PDILT: variants seen among roughly 807,000 people sequenced by gnomAD.
PDILT encodes protein disulfide isomerase like, testis expressed.
A neutral mutation model predicts 53.7 loss-of-function variants in PDILT; 43 were observed. That is an observed-to-expected ratio of 0.80 (90% confidence interval 0.63 to 1.03). The LOEUF (loss-of-function observed/expected upper bound fraction) is 1.03, where lower values mean the gene tolerates loss of function less well. Among genes scored for constraint, PDILT ranks in the 50% least tolerant of loss-of-function variants. The pLI, the probability that PDILT is intolerant of heterozygous loss-of-function variation, is 0.00. For missense variants in PDILT, 727 were observed against 712.3 expected (o/e 1.02, Z -0.24); for synonymous variants, 282 against 274.2 (o/e 1.03, Z -0.28).
In PDILT at chr16:20,369,715, C is replaced by A. The variant is rs780821612; in HGVS notation, c.919-26G>T. The A allele has an allele frequency of 1.2e-5, 19 of 1,611,484 alleles. No individual in the cohort carries two copies. The Middle Eastern group carries it at 1.3e-3, about 113-fold the overall frequency. ...CTGCCAAAGAAAACAAAACCCTTGT[C>A]TCTCTGGATCCTTTGCCAGTGGAGA... On this transcript the variant is annotated intron_variant, in intron 7 of 11. Coordinates refer to ENST00000302451, the MANE Select transcript of PDILT (RefSeq NM_174924.2).
chr16:20,364,572 C>T (rs79034321), intron 9 of PDILT, among the ~76,000 whole-genome samples: 2,808 of 152,236 alleles, frequency 0.018, 84 homozygotes, highest in African/African-American at 0.065. Context: ...CAAACTCATG[C>T]TTGACTCATT....
intron 2 of PDILT, among the ~76,000 whole-genome samples, chr16:20,391,770 G>A (rs1436208125): frequency 6.6e-6 from 1 of 151,934 alleles, no homozygotes; most frequent in Non-Finnish European, 1.5e-5. Context: ...GAGAGAGAGA[G>A]GTTAAAAAGA....
At chr16:20,401,789 G>A (rs1966744007) in intron 1 of PDILT, among the ~76,000 whole-genome samples, 1 of 152,238 alleles carries the variant, frequency 6.6e-6, no homozygotes, top group South Asian at 2.1e-4. Context: ...CCAGGCGGGA[G>A]GAGCTACAGT....
Position 20,384,729 on chromosome 16 carries a change from G to A in PDILT, c.325C>T (p.Leu109Phe), listed in dbSNP as rs1671057630. ...TTGGTAATCCCAAACTCCTGCTGAA[G>A]CTCCTTCTCTATGGTAATGTCCACT... ...GKVDITIEKE[L>F]QQEFGITKAP... is the part of the protein sequence containing the mutation. The change falls in exon 3 of 12, where the codon CTT (leucine) becomes TTT (phenylalanine). Residue 109 changes from leucine to phenylalanine, a missense_variant. Physicochemically the swap from Leu to Phe is conservative, Grantham distance 22. Coordinates refer to ENST00000302451, the MANE Select transcript of PDILT (RefSeq NM_174924.2). The A allele has an allele frequency of 6.2e-7, 1 of 1,614,082 alleles. No homozygotes were observed. The highest frequency in any genetic ancestry group is 1.7e-5 in the Admixed American group (1 of 60,010).
chr16:20,393,742 CAG>C (rs1966631751), intron 2 of PDILT, among the ~76,000 whole-genome samples: 1 of 152,116 alleles, frequency 6.6e-6, no homozygotes, highest in Non-Finnish European at 1.5e-5. Context: ...GGGGGTAAAG[CAG>C]AGAGTGTGAC....
intron 4 of PDILT, among the ~76,000 whole-genome samples, 171 bp downstream of exon 4, chr16:20,375,897 C>T (rs541711103): frequency 6.6e-6 from 1 of 152,354 alleles, no homozygotes; most frequent in East Asian, 1.9e-4. Context: ...AATCTTCTCT[C>T]TTTTCTTTCC....
intron 3 of PDILT, among the ~76,000 whole-genome samples, chr16:20,380,299 T>G (rs888651815): frequency 1.3e-5 from 2 of 152,156 alleles, no homozygotes; most frequent in African/African-American, 4.8e-5. Flanking sequence ...ACTCTCTGTC[T>G]TATGACCTGT....
chr16:20,370,550 G>A (rs1192721095), intron 7 of PDILT, among the ~76,000 whole-genome samples: 2 of 152,186 alleles, frequency 1.3e-5, no homozygotes. Flanking sequence ...CACCTAGAGA[G>A]CTTAGAGTGT....
At position 20,365,612 on chromosome 16, in the gene PDILT, T is replaced by C. The variant is rs909170850; in HGVS notation, c.1117-72A>G. 2.5e-5 allele frequency: 39 copies of C among 1,546,520 alleles called. No individual in the cohort carries two copies. In the Middle Eastern group the frequency reaches 5.1e-4, roughly 20 times the overall value. ...GAAGTTGTGGGGCTCCCCACCTTGATTGGAAACCACTAAAGGTTTTCTCGT... is the reference window on the plus strand; with the variant it reads ...GAAGTTGTGGGGCTCCCCACCTTGACTGGAAACCACTAAAGGTTTTCTCGT... On this transcript the variant is annotated intron_variant, in intron 8 of 11. Coordinates refer to ENST00000302451, the MANE Select transcript of PDILT (RefSeq NM_174924.2).
intron 7 of PDILT, among the ~76,000 whole-genome samples, chr16:20,370,944 G>A (rs1157910680): frequency 6.6e-6 from 1 of 152,206 alleles, no homozygotes; most frequent in Non-Finnish European, 1.5e-5. Context: ...TCCTTGTTTA[G>A]CATATAATCA....
At chr16:20,374,193 T>C (rs1178048759) in intron 5 of PDILT, among the ~76,000 whole-genome samples, 2 of 152,064 alleles carry the variant, frequency 1.3e-5, no homozygotes, top group Admixed American at 6.6e-5. Flanking sequence ...TCCCTCATTT[T>C]ATACTGTTGA....
chr16:20,365,341 G>A (rs1966173630), intron 9 of PDILT, 79 bp downstream of exon 9: 1 of 1,531,190 alleles, frequency 6.5e-7, no homozygotes, highest in Non-Finnish European at 9.0e-7. Flanking sequence ...AGAGATTTCA[G>A]TGCCCAACAA....
intron 7 of PDILT, among the ~76,000 whole-genome samples, chr16:20,371,850 G>A (rs1053118762): frequency 3.3e-5 from 5 of 151,868 alleles, no homozygotes; most frequent in African/African-American, 9.7e-5. Context: ...AGACCCCCAA[G>A]ACATATATTT....
In PDILT at chr16:20,373,134, G is replaced by A; in HGVS notation, c.682-12C>T. The A allele has an allele frequency of 1.2e-6, 2 of 1,603,220 alleles. No individual in the cohort carries two copies. The highest frequency in any genetic ancestry group is 1.7e-6 in the Non-Finnish European group (2 of 1,170,208). ...TTCACAATTTTTCCCTTGTACAAAA[G>A]GAGAAACATATTGGAGGACAGTAGC... On this transcript the variant is annotated splice_polypyrimidine_tract_variant and intron_variant, in intron 5 of 11. Coordinates refer to ENST00000302451, the MANE Select transcript of PDILT (RefSeq NM_174924.2).
intron 7 of PDILT, among the ~76,000 whole-genome samples, chr16:20,369,896 T>C (rs928701119): frequency 6.6e-6 from 1 of 152,192 alleles, no homozygotes; most frequent in Non-Finnish European, 1.5e-5. Flanking sequence ...GTGTGCTCCA[T>C]CCACACAGTT....
chr16:20,401,647 T>C (rs928697179), intron 1 of PDILT, among the ~76,000 whole-genome samples: 1 of 152,078 alleles, frequency 6.6e-6, no homozygotes, highest in African/African-American at 2.4e-5. Context: ...CTCTGAGGGG[T>C]GTGGATGGCA....
At chr16:20,403,990 C>T (rs1010301456) in intron 1 of PDILT, among the ~76,000 whole-genome samples, 1 of 152,212 alleles carries the variant, frequency 6.6e-6, no homozygotes, top group Non-Finnish European at 1.5e-5. Context: ...TTTCAGCACT[C>T]TCTGCCATAT....
At chr16:20,403,315 GTT>G (rs1219260407) in intron 1 of PDILT, among the ~76,000 whole-genome samples, 2 of 152,116 alleles carry the variant, frequency 1.3e-5, no homozygotes, top group Non-Finnish European at 2.9e-5. Flanking sequence ...TTGAGACAGA[GTT>G]TTGCTCTTGT....
At chr16:20,388,961 C>G (rs1053633900) in intron 2 of PDILT, 2 of 152,064 alleles carry the variant, frequency 1.3e-5, no homozygotes, top group Non-Finnish European at 2.9e-5. Flanking sequence ...GCTCTGGAAC[C>G]TTGAATTCCA....
Sources: allele counts gnomAD v4.1 joint callset (sites outside exome capture counted in the v4.1 genomes callset), GRCh38; gene constraint gnomAD v4.1.1; transcripts MANE v1.5; gene names NCBI Gene and HGNC (gene_info 2026-07-23, HGNC 2026-07-21).